EXOC4: variants seen among roughly 807,000 people sequenced by gnomAD.
EXOC4 encodes the protein exocyst complex component 4, also known as SEC8-like 1.
Under a neutral mutation model 107.2 loss-of-function variants are expected in EXOC4, and 71 were observed. That is an observed-to-expected ratio of 0.66 (90% CI 0.55 to 0.81). The LOEUF (loss-of-function observed/expected upper bound fraction) is 0.81, where lower values mean the gene tolerates loss of function less well. EXOC4 is among the 30% of genes least tolerant of loss of function. EXOC4 has a pLI of 0.00. For synonymous variants in EXOC4, 456 were observed against 441.2 expected (o/e 1.03, Z -0.42); for missense variants, 1,108 against 1,189.6 (o/e 0.93, Z 1.01).
intron 11 of EXOC4, among the ~76,000 whole-genome samples, chr7:133,849,487 A>G (rs887091091): frequency 6.6e-6 from 1 of 152,148 alleles, no homozygotes; most frequent in African/African-American, 2.4e-5. Context: ...GGGAAGTGAA[A>G]CATTTTGAGT....
chr7:133,869,935 C>T (rs1798716863), intron 11 of EXOC4, among the ~76,000 whole-genome samples: 1 of 152,210 alleles, frequency 6.6e-6, no homozygotes, highest in African/African-American at 2.4e-5. Context: ...ATCCAAGGTG[C>T]TCTGCTAGGT....
chr7:133,755,429 C>T (rs1435321057), intron 10 of EXOC4, among the ~76,000 whole-genome samples: 3 of 145,702 alleles, frequency 2.1e-5, no homozygotes, highest in Non-Finnish European at 4.5e-5. Flanking sequence ...CTGCAACCTC[C>T]GCCTCCTGGG....
At chr7:133,314,635 T>C (rs1428699507) in intron 4 of EXOC4, among the ~76,000 whole-genome samples, 2 of 152,216 alleles carry the variant, frequency 1.3e-5, no homozygotes, top group Non-Finnish European at 2.9e-5. Flanking sequence ...GTGATGTGCA[T>C]GTACATCTGT....
intron 15 of EXOC4, among the ~76,000 whole-genome samples, chr7:134,003,824 T>C (rs1016374509): frequency 1.2e-4 from 18 of 152,046 alleles, no homozygotes; most frequent in African/African-American, 4.1e-4. Context: ...AACACTTTGA[T>C]TACAACTTTA....
intron 6 of EXOC4, among the ~76,000 whole-genome samples, chr7:133,361,076 C>A (rs2150666228): frequency 6.6e-6 from 1 of 152,160 alleles, no homozygotes; most frequent in Non-Finnish European, 1.5e-5. Context: ...TTGTTGATTG[C>A]AAGAATAAAT....
intron 11 of EXOC4, among the ~76,000 whole-genome samples, chr7:133,822,227 GT>G (rs1797538120): frequency 6.6e-6 from 1 of 152,190 alleles, no homozygotes; most frequent in African/African-American, 2.4e-5. Flanking sequence ...GTCCATTGAA[GT>G]GGATACCATC....
At chr7:133,659,723 CTGTTAGGGTCACAT>C (rs1458097988) in intron 10 of EXOC4, among the ~76,000 whole-genome samples, 3 of 152,144 alleles carry the variant, frequency 2.0e-5, no homozygotes, top group African/African-American at 7.2e-5. Flanking sequence ...AGTTTACAAC[CTGTTAGGGTCACAT>C]TGTCTCCCCG....
At chr7:133,569,804 C>G (rs1800981530) in intron 9 of EXOC4, among the ~76,000 whole-genome samples, 1 of 152,058 alleles carries the variant, frequency 6.6e-6, no homozygotes, top group Non-Finnish European at 1.5e-5. Flanking sequence ...AATCAAATGC[C>G]CAGGTTTCCA....
intron 3 of EXOC4, among the ~76,000 whole-genome samples, chr7:133,292,127 G>T (rs567139459): frequency 1.0e-3 from 156 of 152,134 alleles, no homozygotes; most frequent in Non-Finnish European, 1.9e-3. Flanking sequence ...GGCAGATCAC[G>T]TGAGGTCAGG....
At chr7:133,632,854 A>T (rs1802622827) in intron 10 of EXOC4, among the ~76,000 whole-genome samples, 1 of 151,884 alleles carries the variant, frequency 6.6e-6, no homozygotes, top group Non-Finnish European at 1.5e-5. Context: ...CATTGCTTTT[A>T]TTCTATGCTA....
At chr7:133,254,312 A>G (rs1794963241) in intron 1 of EXOC4, among the ~76,000 whole-genome samples, 2 of 152,204 alleles carry the variant, frequency 1.3e-5, no homozygotes, top group Non-Finnish European at 2.9e-5. Flanking sequence ...AGAGAAAAAC[A>G]TCTCTGTGTG....
At chr7:133,902,884 T>C (rs1563050941) in intron 12 of EXOC4, among the ~76,000 whole-genome samples, 1 of 152,042 alleles carries the variant, frequency 6.6e-6, no homozygotes, top group Non-Finnish European at 1.5e-5. Context: ...AAAAGAATTT[T>C]CGAAGATAGT....
At chr7:133,905,776 A>G (rs1249813850) in intron 12 of EXOC4, among the ~76,000 whole-genome samples, 1 of 152,070 alleles carries the variant, frequency 6.6e-6, no homozygotes, top group African/African-American at 2.4e-5. Flanking sequence ...TACCTTTAGC[A>G]CACCCCTTTC....
chr7:133,491,654 A>T (rs1216853595), intron 9 of EXOC4, among the ~76,000 whole-genome samples: 2 of 152,200 alleles, frequency 1.3e-5, no homozygotes, highest in African/African-American at 4.8e-5. Flanking sequence ...TGTTCCTGGA[A>T]CATTTTCTGC....
At chr7:133,500,920 C>A (rs534152177) in intron 9 of EXOC4, among the ~76,000 whole-genome samples, 75 of 152,230 alleles carry the variant, frequency 4.9e-4, no homozygotes, top group African/African-American at 1.8e-3. Context: ...AATCCTTTTT[C>A]TCTTGTGAGA....
At chr7:133,902,590 A>C (rs1414133981) in intron 12 of EXOC4, among the ~76,000 whole-genome samples, 1 of 152,168 alleles carries the variant, frequency 6.6e-6, no homozygotes, top group South Asian at 2.1e-4. Flanking sequence ...GCAGTGGCTC[A>C]CACCTGTAGT....
chr7:133,627,477 TA>T (rs1484661777), intron 9 of EXOC4, among the ~76,000 whole-genome samples: 2 of 152,220 alleles, frequency 1.3e-5, no homozygotes, highest in Non-Finnish European at 2.9e-5. Context: ...TTGAGTCGAT[TA>T]TTACATTATT....
chr7:133,421,244 G>A (rs1241638928), intron 7 of EXOC4, among the ~76,000 whole-genome samples: 2 of 152,112 alleles, frequency 1.3e-5, no homozygotes, highest in African/African-American at 2.4e-5. Flanking sequence ...TATTCACAGA[G>A]CTGCCCCCTT....
intron 9 of EXOC4, among the ~76,000 whole-genome samples, chr7:133,516,105 A>G (rs1017151503): frequency 3.9e-5 from 6 of 152,214 alleles, no homozygotes; most frequent in African/African-American, 1.4e-4. Context: ...GGTGGATAAT[A>G]TGACAGTCTT....
Sources: allele counts gnomAD v4.1 joint callset (sites outside exome capture counted in the v4.1 genomes callset), GRCh38; gene constraint gnomAD v4.1.1; transcripts MANE v1.5; gene names NCBI Gene and HGNC (gene_info 2026-07-23, HGNC 2026-07-21).